The following CDH22 variants were observed in gnomAD, a reference collection of about 807,000 sequenced individuals.
CDH22 encodes cadherin-22.
Under a neutral mutation model 58.4 loss-of-function variants are expected in CDH22, and 30 were observed. That is an observed-to-expected ratio of 0.51 (90% CI 0.38 to 0.70). The LOEUF (loss-of-function observed/expected upper bound fraction) is 0.70, where lower values mean the gene tolerates loss of function less well. CDH22 is among the 30% of genes least tolerant of loss of function. The pLI is 0.00. For synonymous variants in CDH22, 513 were observed against 558.2 expected (o/e 0.92, Z 1.14); for missense variants, 1,014 against 1,233.9 (o/e 0.82, Z 2.67).
intron 8 of CDH22, among the ~76,000 whole-genome samples, chr20:46,189,925 G>T (rs999221534): frequency 1.3e-5 from 2 of 151,612 alleles, no homozygotes; most frequent in Non-Finnish European, 2.9e-5. Flanking sequence ...TAAAAACACC[G>T]ATGCCCAAAG....
At chr20:46,245,029 T>C (rs1411171158) in intron 2 of CDH22, among the ~76,000 whole-genome samples, 1 of 152,190 alleles carries the variant, frequency 6.6e-6, no homozygotes, top group Non-Finnish European at 1.5e-5. Flanking sequence ...GGGACTGATA[T>C]TGCTTCACCA....
intron 7 of CDH22, among the ~76,000 whole-genome samples, chr20:46,205,731 G>T (rs1423198918): frequency 6.6e-6 from 1 of 152,128 alleles, no homozygotes; most frequent in Non-Finnish European, 1.5e-5. Context: ...GCTTCCCACT[G>T]CCTAGAGGAT....
intron 1 of CDH22, among the ~76,000 whole-genome samples, chr20:46,256,683 G>A (rs2086408231): frequency 6.6e-6 from 1 of 152,156 alleles, no homozygotes. Context: ...GCAGAAGAGT[G>A]ACATGATCTG....
intron 10 of CDH22, among the ~76,000 whole-genome samples, chr20:46,183,674 C>T (rs1186827514): frequency 6.6e-6 from 1 of 152,178 alleles, no homozygotes; most frequent in Non-Finnish European, 1.5e-5. Flanking sequence ...TCAAGGGATC[C>T]TCCTGCCTTG....
intron 4 of CDH22, among the ~76,000 whole-genome samples, chr20:46,226,230 A>C (rs1372421868): frequency 2.2e-5 from 3 of 138,050 alleles, no homozygotes; most frequent in African/African-American, 2.7e-5. Flanking sequence ...GTCTGGCAAC[A>C]CCTTCTTCTT....
chr20:46,243,781 T>C (rs575413023), intron 2 of CDH22, among the ~76,000 whole-genome samples: 1 of 152,274 alleles, frequency 6.6e-6, no homozygotes, highest in East Asian at 1.9e-4. Context: ...TTCTGAGCAG[T>C]GTGGTAGAAT....
intron 3 of CDH22, among the ~76,000 whole-genome samples, chr20:46,228,287 G>A (rs1459744585): frequency 1.3e-5 from 2 of 152,176 alleles, no homozygotes; most frequent in African/African-American, 2.4e-5. Flanking sequence ...TGTTGGCTGC[G>A]GGCCCTGGTG....
At chr20:46,207,988 T>A (rs2086013101) in intron 7 of CDH22, among the ~76,000 whole-genome samples, 1 of 152,218 alleles carries the variant, frequency 6.6e-6, no homozygotes, top group Non-Finnish European at 1.5e-5. Context: ...TGCACAATCC[T>A]GATAGAGCCA....
intron 4 of CDH22, among the ~76,000 whole-genome samples, chr20:46,226,628 C>T (rs1430906411): frequency 1.3e-5 from 2 of 152,176 alleles, no homozygotes; most frequent in Non-Finnish European, 2.9e-5. Flanking sequence ...CTCCGAGAAG[C>T]CTTGCATCCT....
intron 1 of CDH22, among the ~76,000 whole-genome samples, chr20:46,268,260 T>A (rs2086471089): frequency 6.6e-6 from 1 of 152,252 alleles, no homozygotes; most frequent in Non-Finnish European, 1.5e-5. Flanking sequence ...CCTGGGCTTA[T>A]CCAGCTGGGC....
Position 46,210,499 on chromosome 20 carries a change from A to C in CDH22, c.1094T>G (p.Val365Gly). Residue 365 changes from valine (V) to glycine (G), a missense_variant, in exon 7 of 12, where the codon GTG becomes GGG. Val to Gly is a moderately radical substitution (Grantham distance 109, BLOSUM62 -3). Coordinates refer to ENST00000537909, the MANE Select transcript of CDH22 (RefSeq NM_021248.3). This position sits in a 1 kb window ranked among gnomAD's most constrained non-coding sequence, Gnocchi z 4.5. ...GCCCAGGTCGGCGAAGCGGGGGTCCACGAACTTGTTGAGGGCCTCCAGGAT... is the reference window on the plus strand; with the variant it reads ...GCCCAGGTCGGCGAAGCGGGGGTCCCCGAACTTGTTGAGGGCCTCCAGGAT... ...TVILEALNKF[V>G]DPRFADLGTF... 7.0e-7 allele frequency: 1 copy of C among 1,433,324 alleles called. No homozygotes were observed. The highest frequency in any genetic ancestry group is 9.2e-7 in the Non-Finnish European group (1 of 1,090,656). 88.8% of individuals were successfully genotyped at this position (1,433,324 alleles called of 1,614,324 possible).
chr20:46,292,132 CAG>C (rs1381506571), intron 1 of CDH22, among the ~76,000 whole-genome samples: 6 of 152,230 alleles, frequency 3.9e-5, no homozygotes, highest in Non-Finnish European at 7.3e-5. Flanking sequence ...CAAGGTCACT[CAG>C]AGAGTTGGTG....
chr20:46,286,828 A>G (rs1317131199), intron 1 of CDH22, among the ~76,000 whole-genome samples: 1 of 152,064 alleles, frequency 6.6e-6, no homozygotes, highest in African/African-American at 2.4e-5. Flanking sequence ...AGAAAGCCCT[A>G]TGGCTCCTGT....
chr20:46,301,585 T>C lies in CDH22; in HGVS notation c.-400+6670A>G, dbSNP rs867656114. 3.3e-5 allele frequency among the ~76,000 whole-genome samples: 5 copies of C among 151,428 alleles called. 1 individual carries two copies. The South Asian group carries it at 1.0e-3, about 32-fold the overall frequency. On this transcript the variant is annotated intron_variant, in intron 1 of 11. Coordinates refer to ENST00000537909, the MANE Select transcript of CDH22 (RefSeq NM_021248.3). ...CAGCACTTTGGGAGGCCAAGGAGGG[T>C]GGACCACCAGAGGTCAGGAGCTCGA...
intron 1 of CDH22, among the ~76,000 whole-genome samples, chr20:46,271,991 T>C (rs1265980884): frequency 1.3e-5 from 2 of 152,180 alleles, no homozygotes; most frequent in Non-Finnish European, 2.9e-5. Context: ...TAAAACTGAC[T>C]CTTCTCTGGG....
At chr20:46,207,089 G>A (rs1057199577) in intron 7 of CDH22, among the ~76,000 whole-genome samples, 2 of 152,178 alleles carry the variant, frequency 1.3e-5, no homozygotes, top group African/African-American at 4.8e-5. Flanking sequence ...CCTGGCTCAG[G>A]GCCTGGCATG....
At chr20:46,277,538 C>T (rs1052338617) in intron 1 of CDH22, among the ~76,000 whole-genome samples, 1 of 151,832 alleles carries the variant, frequency 6.6e-6, no homozygotes, top group East Asian at 1.9e-4. Context: ...ACGTTGTTAA[C>T]CAATGAAGGG....
At chr20:46,237,836 C>T (rs1486644514) in intron 3 of CDH22, among the ~76,000 whole-genome samples, 1 of 152,178 alleles carries the variant, frequency 6.6e-6, no homozygotes, top group Non-Finnish European at 1.5e-5. Flanking sequence ...AACAAGGACC[C>T]TTGCCATTCC....
chr20:46,264,265 C>T (rs1355580126), intron 1 of CDH22, among the ~76,000 whole-genome samples: 1 of 152,142 alleles, frequency 6.6e-6, no homozygotes, highest in Non-Finnish European at 1.5e-5. Flanking sequence ...CAAAGGGACA[C>T]AGTGGAATGT....
Sources: gnomAD v4.1 joint callset for allele counts (sites outside exome capture counted in the v4.1 genomes callset) on GRCh38, gnomAD v4.1.1 for gene constraint, Gnocchi (gnomAD v3.1) non-coding constraint, MANE v1.5 for transcripts, NCBI Gene and HGNC (gene_info 2026-07-23, HGNC 2026-07-21) for gene names.